The following ITPA variants were observed in gnomAD, a reference collection of about 807,000 sequenced individuals.
ITPA encodes the protein inosine triphosphate pyrophosphatase.
ITPA carries 29 observed loss-of-function variants against 29.6 expected under a neutral mutation model. The ratio of observed to expected loss-of-function variants is 0.98; its 90% confidence interval spans 0.73 to 1.34. The LOEUF (loss-of-function observed/expected upper bound fraction) is 1.34. Among genes scored for constraint, ITPA ranks in the 40% most tolerant of loss-of-function variants. The pLI is 0.00. For synonymous variants in ITPA, 103 were observed against 99.3 expected (o/e 1.04, Z -0.22); for missense variants, 241 against 251.5 (o/e 0.96, Z 0.28).
At chr20:3,221,533 A>G (rs1289364467) in intron 6 of ITPA, among the ~76,000 whole-genome samples, 1 of 151,956 alleles carries the variant, frequency 6.6e-6, no homozygotes, top group Non-Finnish European at 1.5e-5. Flanking sequence ...CTTTCAAAGT[A>G]GCCTCATTGT....
intron 6 of ITPA, 117 bp from the exon 7 acceptor site, chr20:3,221,724 T>G: frequency 1.1e-6 from 1 of 909,972 alleles, no homozygotes; most frequent in Non-Finnish European, 1.8e-6. Context: ...CAACTACATT[T>G]TGCGTAAGTT....
chr20:3,213,678 C>T (rs1040990170), intron 3 of ITPA, among the ~76,000 whole-genome samples: 17 of 152,178 alleles, frequency 1.1e-4, no homozygotes, highest in Admixed American at 7.9e-4. Context: ...ACACATCCAC[C>T]GCTGCATTCA....
chr20:3,213,062 T>C (rs533082628), intron 1 of ITPA, 107 bp from the exon 2 acceptor site: 2 of 1,210,704 alleles, frequency 1.7e-6, no homozygotes, highest in South Asian at 1.2e-5. Context: ...TGGTAAGCTT[T>C]AGGAGATGGG....
downstream of ITPA, among the ~76,000 whole-genome samples, chr20:3,226,376 T>A (rs1047420405): frequency 3.3e-5 from 5 of 152,150 alleles, no homozygotes; most frequent in South Asian, 2.1e-4. This position sits in a 1 kb window ranked among gnomAD's most constrained non-coding sequence, Gnocchi z 4.4. Flanking sequence ...CGTTTTGAGT[T>A]GGTTTCTCCA....
upstream of ITPA, among the ~76,000 whole-genome samples, chr20:3,206,140 G>T (rs1443885379): frequency 6.6e-6 from 1 of 151,772 alleles, no homozygotes; most frequent in African/African-American, 2.4e-5. Context: ...TGTAATCCCA[G>T]CACTTTGGGA....
chr20:3,213,865 G>C, intron 3 of ITPA, 120 bp from the exon 4 acceptor site: 1 of 999,296 alleles, frequency 1.0e-6, no homozygotes, highest in Non-Finnish European at 1.6e-6. Context: ...CCATGGTGCT[G>C]TCTGCCACAG....
chr20:3,205,508 C>G (rs1176595585), upstream of ITPA, among the ~76,000 whole-genome samples: 1 of 152,004 alleles, frequency 6.6e-6, no homozygotes, highest in Non-Finnish European at 1.5e-5. Context: ...TCAAGACCAG[C>G]CTGGGCAACA....
Position 3,223,600 on chromosome 20 carries a change from CCTGT to C in ITPA, c.*142_*145del. ...TGAGGGTGTCGAGTAGCCTCACCGG[CCTGT>C]CTGGAGGAGCAGCTGGCTCTGCTCT... On this transcript the variant is annotated 3_prime_UTR_variant, in exon 8 of 8. Coordinates refer to ENST00000380113, the MANE Select transcript of ITPA (RefSeq NM_033453.4). 1.4e-6 allele frequency: 1 copy of C among 701,896 alleles called. No individual in the cohort carries two copies. Among genetic ancestry groups the C allele is most frequent in the Admixed American group, 2.0e-5 (1 of 48,924 alleles). The allele number at this position is 701,896 out of a possible 1,614,324, so 43.5% of individuals were successfully genotyped here.
At chr20:3,215,171 G>A (rs2067265096) in intron 4 of ITPA, 110 bp from the exon 5 acceptor site, 1 of 1,125,166 alleles carries the variant, frequency 8.9e-7, no homozygotes, top group African/African-American at 1.5e-5. Context: ...CTGGCTCTTG[G>A]AGGCATTCTT....
chr20:3,225,541 A>T (rs1426019835), downstream of ITPA, among the ~76,000 whole-genome samples: 5 of 152,148 alleles, frequency 3.3e-5, no homozygotes, highest in Non-Finnish European at 7.4e-5. Flanking sequence ...GGGTTCCTGG[A>T]GGGTGACACC....
At chr20:3,210,966 G>A (rs2067156826) in intron 1 of ITPA, among the ~76,000 whole-genome samples, 1 of 151,314 alleles carries the variant, frequency 6.6e-6, no homozygotes, top group African/African-American at 2.4e-5. Context: ...CAGGAGAATC[G>A]CTTGAACCTA....
Position 3,223,688 on chromosome 20 carries a change from A to G in ITPA, c.*226A>G. On this transcript the variant is annotated 3_prime_UTR_variant, in exon 8 of 8. Coordinates refer to ENST00000380113, the MANE Select transcript of ITPA (RefSeq NM_033453.4). Reference sequence around the variant, plus strand: ...CCCTTAGGATTCACTGCTCTCTCCTACAGCCGCCAGGCCTGGGGTCCTGAA... The same window carrying G: ...CCCTTAGGATTCACTGCTCTCTCCTGCAGCCGCCAGGCCTGGGGTCCTGAA... 1.7e-6 allele frequency: 1 copy of G among 585,886 alleles called. No individual in the cohort carries two copies. The highest frequency in any genetic ancestry group is 2.9e-5 in the Admixed American group (1 of 35,052). 36.3% of individuals were successfully genotyped at this position (585,886 alleles called of 1,614,324 possible). A position where few individuals can be genotyped will look rare whatever the true frequency, so the allele number is the denominator to read the frequency against.
At position 3,213,349 on chromosome 20, in the gene ITPA, T is replaced by A. The variant is rs1401764767; in HGVS notation, c.155T>A (p.Ile52Asn). ...LPEYQGEPDEISIQKCQEAVR... is the reference protein window; with the variant it reads ...LPEYQGEPDENSIQKCQEAVR... ...GAGTACCAGGGGGAGCCGGATGAGA[T>A]TTCCATACAGAAATGTCAGGAGGCA... is the stretch of plus-strand genomic sequence containing the variant. Residue 52 changes from isoleucine to asparagine, a missense_variant, in exon 3 of 8, where the codon ATT (isoleucine) becomes AAT (asparagine). Transcript: ENST00000380113. 6.2e-7 allele frequency: 1 copy of A among 1,614,110 alleles called. No homozygotes were observed. Among genetic ancestry groups the A allele is most frequent in the South Asian group, 1.1e-5 (1 of 91,072 alleles).
At position 3,216,316 on chromosome 20, in the gene ITPA, T is replaced by C. The variant is rs144826928; in HGVS notation, c.295+1004T>C. ...CTGGGACTACAGGCACGTGCCACCA[T>C]GCCCAGCTAATTTTTGTATTTTTAG... On this transcript the variant is annotated intron_variant, in intron 5 of 7. Transcript: ENST00000380113. Among the ~76,000 whole-genome samples, 1,246 of 151,210 alleles carry C rather than the reference T, an allele frequency of 8.2e-3. 16 individuals carry two copies. Among genetic ancestry groups the C allele is most frequent in the African/African-American group, 0.028 (1,166 of 41,170 alleles).
chr20:3,213,220 A>G lies in ITPA; in HGVS notation c.118A>G (p.Ile40Val). Reference sequence around the variant, plus strand: ...TCCATGCACTTTGGTGGCACAGAAAATTGACCGTATGTCTCTGTTTTGTTT... The same window carrying G: ...TCCATGCACTTTGGTGGCACAGAAAGTTGACCGTATGTCTCTGTTTTGTTT... ...KFPCTLVAQK[I>V]DLPEYQGEPD... is the part of the protein sequence containing the mutation. The change falls in exon 2 of 8, where the codon ATT becomes GTT. Residue 40 changes from isoleucine (I) to valine (V), a missense_variant. Ile to Val is a conservative substitution (Grantham distance 29). Transcript: ENST00000380113. 3 of 1,614,182 alleles carry G rather than the reference A, an allele frequency of 1.9e-6. No individual in the cohort carries two copies. Among genetic ancestry groups the G allele is most frequent in the Non-Finnish European group, 2.5e-6 (3 of 1,180,040 alleles).
chr20:3,218,708 C>G (rs1229781074), intron 6 of ITPA, 76 bp downstream of exon 6: 1 of 1,158,872 alleles, frequency 8.6e-7, no homozygotes, highest in African/African-American at 1.5e-5. Context: ...CGCCCCGAGT[C>G]TGCGGGAGGG....
downstream of ITPA, among the ~76,000 whole-genome samples, chr20:3,227,056 G>A (rs981983404): frequency 2.6e-5 from 4 of 152,168 alleles, no homozygotes; most frequent in South Asian, 4.1e-4. Context: ...TCGGCCTCCC[G>A]GCAGGCAGCT....
intron 1 of ITPA, among the ~76,000 whole-genome samples, chr20:3,211,397 C>G (rs967550160): frequency 6.6e-6 from 1 of 152,068 alleles, no homozygotes; most frequent in Admixed American, 6.6e-5. Flanking sequence ...AACCCCTGAC[C>G]TCAAGTGATC....
downstream of ITPA, among the ~76,000 whole-genome samples, chr20:3,224,571 C>A (rs560207788): frequency 3.3e-5 from 5 of 152,336 alleles, no homozygotes; most frequent in South Asian, 6.2e-4. Context: ...CTGCAAGCCC[C>A]GGCTGGGTTA....
Sources: gnomAD v4.1 joint callset for allele counts (sites outside exome capture counted in the v4.1 genomes callset) on GRCh38, gnomAD v4.1.1 for gene constraint, Gnocchi (gnomAD v3.1) non-coding constraint, MANE v1.5 for transcripts, NCBI Gene and HGNC (gene_info 2026-07-23, HGNC 2026-07-21) for gene names.